Variants in CCNY observed in about 807,000 individuals in gnomAD.
The protein encoded by CCNY is cyclin-Y.
Under a neutral mutation model 42.8 loss-of-function variants are expected in CCNY, and 19 were observed. The ratio of observed to expected loss-of-function variants is 0.44; its 90% CI spans 0.31 to 0.65. The LOEUF (loss-of-function observed/expected upper bound fraction) is 0.65. CCNY is among the 30% of genes least tolerant of loss of function. CCNY has a pLI of 0.07. For missense variants in CCNY, 370 were observed against 437.3 expected (o/e 0.85, Z 1.37); for synonymous variants, 165 against 162.7 (o/e 1.01, Z -0.11).
chr10:35,355,659 C>A, intron 1 of CCNY, among the ~76,000 whole-genome samples: 1 of 91,546 alleles, frequency 1.1e-5, no homozygotes, highest in African/African-American at 4.4e-5. Context: ...GCCTGGGCAA[C>A]AGAGCAAGAT....
At chr10:35,319,038 C>T (rs2135093690) in intron 3 of CCNY, among the ~76,000 whole-genome samples, 1 of 152,228 alleles carries the variant, frequency 6.6e-6, no homozygotes, top group Non-Finnish European at 1.5e-5. Context: ...TCACGGCTCA[C>T]CGAAGCCTTG....
At chr10:35,478,817 C>T (rs1839584781) in intron 1 of CCNY, among the ~76,000 whole-genome samples, 1 of 152,186 alleles carries the variant, frequency 6.6e-6, no homozygotes, top group African/African-American at 2.4e-5. Flanking sequence ...AGAGCTTCTG[C>T]ACAGCAAAAT....
At chr10:35,370,872 C>T (rs868127188) in intron 1 of CCNY, among the ~76,000 whole-genome samples, 6 of 151,844 alleles carry the variant, frequency 4.0e-5, no homozygotes, top group South Asian at 2.1e-4. Context: ...CCTGCCACCA[C>T]GCCCGGCTAA....
At chr10:35,562,777 A>T (rs535438586) in intron 8 of CCNY, among the ~76,000 whole-genome samples, 2 of 152,274 alleles carry the variant, frequency 1.3e-5, no homozygotes, top group South Asian at 4.1e-4. Flanking sequence ...AAGTGTGGCT[A>T]TGCAGATACC....
chr10:35,501,102 T>G (rs1840101845), intron 2 of CCNY, among the ~76,000 whole-genome samples: 1 of 152,220 alleles, frequency 6.6e-6, no homozygotes, highest in South Asian at 2.1e-4. Context: ...TATATTTCCC[T>G]TATATACTGT....
At chr10:35,533,377 T>TA (rs1010959267) in intron 7 of CCNY, among the ~76,000 whole-genome samples, 9 of 152,246 alleles carry the variant, frequency 5.9e-5, no homozygotes, top group African/African-American at 2.2e-4. Flanking sequence ...ACAAAGCCCT[T>TA]ATGTTACTGA....
intron 1 of CCNY, among the ~76,000 whole-genome samples, chr10:35,367,535 G>A (rs1369635371): frequency 6.6e-6 from 1 of 152,166 alleles, no homozygotes; most frequent in Non-Finnish European, 1.5e-5. Context: ...ACATCTCATG[G>A]ATTTTATAGA....
chr10:35,358,460 G>A (rs2135151010), intron 1 of CCNY, among the ~76,000 whole-genome samples: 1 of 152,304 alleles, frequency 6.6e-6, no homozygotes, highest in South Asian at 2.1e-4. Context: ...AGACCAGACT[G>A]TACTGCATAT....
intron 1 of CCNY, among the ~76,000 whole-genome samples, chr10:35,384,101 C>T (rs1045531788): frequency 6.6e-6 from 1 of 152,096 alleles, no homozygotes; most frequent in Non-Finnish European, 1.5e-5. Flanking sequence ...GGAGGGTTTC[C>T]TTCCCCTTCA....
intron 1 of CCNY, among the ~76,000 whole-genome samples, chr10:35,392,350 T>G (rs117031377): frequency 2.6e-5 from 4 of 152,202 alleles, no homozygotes; most frequent in Non-Finnish European, 4.4e-5. Flanking sequence ...CTGGGTGTTG[T>G]GAAGGATGTA....
chr10:35,363,103 G>C (rs1234304749), intron 1 of CCNY, among the ~76,000 whole-genome samples: 1 of 150,560 alleles, frequency 6.6e-6, no homozygotes, highest in East Asian at 2.0e-4. Context: ...TCACTTCCCA[G>C]CTTGTGAGGT....
intron 3 of CCNY, among the ~76,000 whole-genome samples, chr10:35,504,625 T>TTG (rs1840177802): frequency 2.6e-5 from 4 of 151,874 alleles, no homozygotes; most frequent in African/African-American, 9.7e-5. Context: ...TAGGAAGGTT[T>TTG]TTGTTGTTGT....
At chr10:35,374,576 T>C (rs1465120847) in intron 1 of CCNY, among the ~76,000 whole-genome samples, 9 of 152,222 alleles carry the variant, frequency 5.9e-5, no homozygotes, top group Non-Finnish European at 1.3e-4. Context: ...GGAGATGTTT[T>C]GCAGTTGCAG....
intron 1 of CCNY, among the ~76,000 whole-genome samples, chr10:35,442,427 A>G (rs374764878): frequency 6.6e-6 from 1 of 152,218 alleles, no homozygotes; most frequent in Non-Finnish European, 1.5e-5. Flanking sequence ...TTATAATTGA[A>G]AGGTAGTGAA....
At chr10:35,269,212 A>C (rs1472192592) in intron 3 of CCNY, among the ~76,000 whole-genome samples, 1 of 152,198 alleles carries the variant, frequency 6.6e-6, no homozygotes, top group African/African-American at 2.4e-5. Context: ...TAAGCAGTTA[A>C]AAGCAGCCAT....
chr10:35,380,995 G>C (rs1287055944), intron 1 of CCNY, among the ~76,000 whole-genome samples: 5 of 152,190 alleles, frequency 3.3e-5, no homozygotes, highest in Admixed American at 6.5e-5. Context: ...GCAGACAGCG[G>C]CATCCCAAGG....
intron 1 of CCNY, among the ~76,000 whole-genome samples, chr10:35,428,894 C>G (rs1838326144): frequency 6.6e-6 from 1 of 152,204 alleles, no homozygotes; most frequent in East Asian, 1.9e-4. Flanking sequence ...CCTGAACCCA[C>G]TCTAGGGCAG....
chr10:35,523,168 G>T (rs1183037363), intron 4 of CCNY, among the ~76,000 whole-genome samples: 1 of 152,192 alleles, frequency 6.6e-6, no homozygotes, highest in Non-Finnish European at 1.5e-5. Flanking sequence ...TGGTCTAGTC[G>T]GGTGAAGCTG....
chr10:35,464,833 A>G (rs1444552090), intron 1 of CCNY, among the ~76,000 whole-genome samples: 1 of 152,226 alleles, frequency 6.6e-6, no homozygotes, highest in East Asian at 1.9e-4. Flanking sequence ...GAGTAATGAT[A>G]GTGGACTCAA....
Sources: allele counts gnomAD v4.1 joint callset (sites outside exome capture counted in the v4.1 genomes callset), GRCh38; gene constraint gnomAD v4.1.1; transcripts MANE v1.5; gene names NCBI Gene and HGNC (gene_info 2026-07-23, HGNC 2026-07-21).